SERPINB11: variants seen among roughly 807,000 people sequenced by gnomAD.
SERPINB11 encodes the protein serpin B11.
A neutral mutation model predicts 36.7 loss-of-function variants in SERPINB11; 32 were observed. That is an observed-to-expected ratio of 0.87 (90% CI 0.66 to 1.17). The LOEUF is 1.17. Among genes scored for constraint, SERPINB11 ranks in the 50% most tolerant of loss-of-function variants. The pLI, the probability that SERPINB11 is intolerant of heterozygous loss-of-function variation, is 0.00. For missense variants in SERPINB11, 528 were observed against 458.4 expected (o/e 1.15, Z -1.39); for synonymous variants, 174 against 168.1 (o/e 1.04, Z -0.27).
Position 63,723,532 on chromosome 18 carries a change from T to A in SERPINB11, c.*133T>A. 1 of 755,954 alleles carries A rather than the reference T, an allele frequency of 1.3e-6. No homozygotes were observed. The highest frequency in any genetic ancestry group is 2.1e-6 in the Non-Finnish European group (1 of 472,852). 46.8% of individuals were successfully genotyped at this position (755,954 alleles called of 1,614,324 possible). A position where few individuals can be genotyped will look rare whatever the true frequency, so the allele number is the denominator to read the frequency against. ...AGTTTGCTCATCTGCAAAATAGGTCTAGGATTTCTTCCAACCATTTCATGA... is the reference window on the plus strand; with the variant it reads ...AGTTTGCTCATCTGCAAAATAGGTCAAGGATTTCTTCCAACCATTTCATGA... On this transcript the variant is annotated 3_prime_UTR_variant, in exon 8 of 8. Transcript: ENST00000544088.
rs1216346718 is a variant in SERPINB11 at position 63,711,339 on chromosome 18, T to C, written c.173T>C (p.Leu58Pro). ...TCCCTTTTTTTTCTTTTCTAGGTGC[T>C]TCATTTTAGTCATACTGTAGACTCA... Reference protein sequence around the residue: ...GETEEQLEKVLHFSHTVDSLK... With the variant: ...GETEEQLEKVPHFSHTVDSLK... The change falls in exon 3 of 8, where the codon CTT becomes CCT. Residue 58 changes from leucine (L) to proline (P), a missense_variant. By Grantham distance (98) the Leu-to-Pro change is moderately conservative. Coordinates refer to ENST00000544088, the MANE Select transcript of SERPINB11 (RefSeq NM_001370475.1). The C allele has an allele frequency of 3.1e-6, 5 of 1,609,158 alleles. No homozygotes were observed. In the Admixed American group the frequency reaches 5.0e-5, roughly 16 times the overall value.
At chr18:63,703,142 G>A (rs1914282304) in intron 1 of SERPINB11, 136 bp downstream of exon 1, 1 of 152,218 alleles carries the variant, frequency 6.6e-6, no homozygotes, top group African/African-American at 2.4e-5. Context: ...ATTTAATTGA[G>A]TATGACTTTT....
At chr18:63,714,308 G>A (rs1914608059) in intron 4 of SERPINB11, among the ~76,000 whole-genome samples, 1 of 152,088 alleles carries the variant, frequency 6.6e-6, no homozygotes, top group Non-Finnish European at 1.5e-5. Flanking sequence ...ATATCACAAG[G>A]CAAATGGGGG....
chr18:63,719,277 G>A (rs1239437196), intron 5 of SERPINB11, among the ~76,000 whole-genome samples: 1 of 151,960 alleles, frequency 6.6e-6, no homozygotes, highest in Non-Finnish European at 1.5e-5. Context: ...AATATACATT[G>A]TATGCTTAAG....
intron 2 of SERPINB11, 46 bp downstream of exon 2, chr18:63,710,407 T>C (rs748309694): frequency 1.3e-6 from 2 of 1,532,512 alleles, no homozygotes; most frequent in Non-Finnish European, 8.8e-7. Context: ...AAGTCTTTCA[T>C]GCTCCCGCTC....
chr18:63,710,191 A>T lies in SERPINB11; in HGVS notation c.-3A>T, dbSNP rs779421162. 31 of 1,603,614 alleles carry T rather than the reference A, an allele frequency of 1.9e-5. No individual in the cohort carries two copies. The highest frequency in any genetic ancestry group is 2.6e-6 in the Non-Finnish European group (3 of 1,175,384). On this transcript the variant is annotated 5_prime_UTR_variant, in exon 2 of 8. Transcript: ENST00000544088. Reference sequence around the variant, plus strand: ...CTTCTGTTCTCAGGCAGTCGGCATAAAAATGGGTTCTCTCAGCACAGCTAA... The same window carrying T: ...CTTCTGTTCTCAGGCAGTCGGCATATAAATGGGTTCTCTCAGCACAGCTAA...
intron 4 of SERPINB11, among the ~76,000 whole-genome samples, chr18:63,713,247 CT>C (rs1428321074): frequency 6.6e-6 from 1 of 152,174 alleles, no homozygotes; most frequent in African/African-American, 2.4e-5. Context: ...GCCAGTCATT[CT>C]GCTTAGCTCA....
intron 1 of SERPINB11, among the ~76,000 whole-genome samples, chr18:63,708,148 G>C (rs1914420480): frequency 6.6e-6 from 1 of 152,236 alleles, no homozygotes; most frequent in African/African-American, 2.4e-5. Flanking sequence ...GAGCTTGGGG[G>C]AGAGTGGTAG....
At chr18:63,710,702 A>C (rs897255511) in intron 2 of SERPINB11, among the ~76,000 whole-genome samples, 5 of 152,214 alleles carry the variant, frequency 3.3e-5, no homozygotes, top group African/African-American at 1.2e-4. Context: ...TATAATAAAC[A>C]TAATGCTATT....
chr18:63,714,662 G>T (rs532858772), intron 4 of SERPINB11, among the ~76,000 whole-genome samples: 1 of 152,160 alleles, frequency 6.6e-6, no homozygotes, highest in South Asian at 2.1e-4. Flanking sequence ...GCTCTGTTCT[G>T]CCTGGCTCTC....
intron 1 of SERPINB11, among the ~76,000 whole-genome samples, chr18:63,704,620 T>C (rs536418851): frequency 3.7e-4 from 57 of 152,356 alleles, no homozygotes; most frequent in African/African-American, 1.3e-3. Context: ...GAATTAACTA[T>C]AATTATGTAT....
At chr18:63,716,803 T>G (rs571355747) in intron 5 of SERPINB11, among the ~76,000 whole-genome samples, 2 of 152,196 alleles carry the variant, frequency 1.3e-5, no homozygotes, top group South Asian at 2.1e-4. Flanking sequence ...CTCTTTTTTT[T>G]TTGTTTGAAT....
At chr18:63,720,320 C>A in intron 6 of SERPINB11, 165 bp downstream of exon 6, 1 of 656,684 alleles carries the variant, frequency 1.5e-6, no homozygotes, top group South Asian at 2.0e-5. Flanking sequence ...TATTAAGTGA[C>A]AATAACTTTT....
chr18:63,712,367 A>G (rs1370011474), intron 3 of SERPINB11, among the ~76,000 whole-genome samples, 198 bp from the exon 4 acceptor site: 1 of 152,248 alleles, frequency 6.6e-6, no homozygotes, highest in East Asian at 1.9e-4. Context: ...TTCTGCACAC[A>G]GACTGCAACT....
intron 5 of SERPINB11, 145 bp downstream of exon 5, chr18:63,716,297 C>A (rs146554636): frequency 5.9e-6 from 3 of 511,220 alleles, no homozygotes; most frequent in African/African-American, 3.9e-5. Flanking sequence ...TTTTGGAATA[C>A]CCCTTACAAT....
rs1354637120 is a variant in SERPINB11, at chr18:63,710,215, A to T, written c.22A>T (p.Asn8Tyr). The T allele has an allele frequency of 6.2e-7, 1 of 1,611,544 alleles. No homozygotes were observed. Among genetic ancestry groups the T allele is most frequent in the South Asian group, 1.1e-5 (1 of 90,422 alleles). MGSLSTANVEFCLDVFKE... is the reference protein window; with the variant it reads MGSLSTAYVEFCLDVFKE... ...AAAAATGGGTTCTCTCAGCACAGCTAACGTTGAATTTTGCCTTGATGTGTT... is the reference window on the plus strand; with the variant it reads ...AAAAATGGGTTCTCTCAGCACAGCTTACGTTGAATTTTGCCTTGATGTGTT... The change falls in exon 2 of 8, where the codon AAC (asparagine) becomes TAC (tyrosine). Residue 8 changes from asparagine (N) to tyrosine (Y), a missense_variant. By Grantham distance (143) the Asn-to-Tyr change is moderately radical (BLOSUM62 -2). Transcript: ENST00000544088.
chr18:63,711,413 G>A lies in SERPINB11; in HGVS notation c.228+19G>A, dbSNP rs1489055427. On this transcript the variant is annotated intron_variant, in intron 3 of 7. Coordinates refer to ENST00000544088, the MANE Select transcript of SERPINB11 (RefSeq NM_001370475.1). Reference sequence around the variant, plus strand: ...ACCTAAGGTATGATAATATTACTGAGTTGTCAAATGCTCTTTAACCTAAGA... The same window carrying A: ...ACCTAAGGTATGATAATATTACTGAATTGTCAAATGCTCTTTAACCTAAGA... The A allele has an allele frequency of 6.5e-7, 1 of 1,542,156 alleles. No homozygotes were observed. The highest frequency in any genetic ancestry group is 1.1e-5 in the South Asian group (1 of 89,258).
intron 1 of SERPINB11, among the ~76,000 whole-genome samples, chr18:63,709,869 G>T (rs1016553285): frequency 6.6e-6 from 1 of 152,042 alleles, no homozygotes; most frequent in Non-Finnish European, 1.5e-5. Context: ...AGAATACAAA[G>T]ATTCAATTCC....
chr18:63,706,813 A>G (rs931262304), intron 1 of SERPINB11, among the ~76,000 whole-genome samples: 1 of 152,208 alleles, frequency 6.6e-6, no homozygotes, highest in African/African-American at 2.4e-5. Context: ...AATTCACTCA[A>G]TGGTGTGTTA....
Sources: allele counts gnomAD v4.1 joint callset (sites outside exome capture counted in the v4.1 genomes callset), GRCh38; gene constraint gnomAD v4.1.1; transcripts MANE v1.5; gene names NCBI Gene and HGNC (gene_info 2026-07-23, HGNC 2026-07-21).